LIMCH1: variants seen among roughly 807,000 people sequenced by gnomAD.
LIMCH1 encodes LIM and calponin homology domains-containing protein 1.
In LIMCH1, 113 loss-of-function variants were observed where a neutral mutation model predicts 176.5. That is an observed-to-expected ratio of 0.64 (90% CI 0.55 to 0.75). The LOEUF (loss-of-function observed/expected upper bound fraction) is 0.75. LIMCH1 is among the 30% of genes least tolerant of loss of function. The pLI is 0.00. For missense variants in LIMCH1, 1,674 were observed against 1,814.9 expected (o/e 0.92, Z 1.41); for synonymous variants, 619 against 645.9 (o/e 0.96, Z 0.63).
intron 26 of LIMCH1, among the ~76,000 whole-genome samples, chr4:41,682,925 C>G (rs1717450722): frequency 6.6e-6 from 1 of 152,124 alleles, no homozygotes; most frequent in Admixed American, 6.5e-5. Flanking sequence ...GATCCACCTG[C>G]CTCTACCTCC....
At chr4:41,590,272 G>A (rs142621269) in intron 1 of LIMCH1, among the ~76,000 whole-genome samples, 148 of 151,936 alleles carry the variant, frequency 9.7e-4, no homozygotes, top group South Asian at 8.8e-3. Flanking sequence ...TTTTATTTTT[G>A]TAGAGATAAG....
At chr4:41,667,988 A>T (rs2094890138) in intron 21 of LIMCH1, among the ~76,000 whole-genome samples, 1 of 151,972 alleles carries the variant, frequency 6.6e-6, no homozygotes, top group Non-Finnish European at 1.5e-5. Flanking sequence ...AAAAAATTTT[A>T]AATATAAACA....
rs1217631267 is a variant in LIMCH1, at chr4:41,633,614, T to C, written c.1896T>C (p.Ala632=). ...AAGAGAAGTTGGAGAAGATGACAGC[T>C]CCTGCCTGGAGTGGCAGTGGACTGA... is the stretch of plus-strand genomic sequence containing the variant. ...GTEEKLEKMT[A]PAWSGSGLKG... Residue 632 remains alanine, a synonymous_variant, in exon 13 of 32, where the codon GCT becomes GCC. Coordinates refer to ENST00000503057, the MANE Select transcript of LIMCH1 (RefSeq NM_001330672.2). 6.5e-7 allele frequency: 1 copy of C among 1,536,122 alleles called. No homozygotes were observed. The highest frequency in any genetic ancestry group is 8.7e-7 in the Non-Finnish European group (1 of 1,146,916).
At chr4:41,674,634 A>T (rs1455618147) in intron 22 of LIMCH1, among the ~76,000 whole-genome samples, 1 of 110,670 alleles carries the variant, frequency 9.0e-6, no homozygotes, top group Non-Finnish European at 1.9e-5. Context: ...ACTGCATTTG[A>T]TATGCCCAAC....
At chr4:41,367,980 A>G (rs533299222) in intron 1 of LIMCH1, among the ~76,000 whole-genome samples, 2 of 152,004 alleles carry the variant, frequency 1.3e-5, no homozygotes, top group Non-Finnish European at 2.9e-5. Flanking sequence ...TTTTTTGCCA[A>G]GTATGTTCAC....
intron 1 of LIMCH1, among the ~76,000 whole-genome samples, chr4:41,545,784 G>C (rs1425228629): frequency 2.6e-5 from 4 of 152,208 alleles, no homozygotes; most frequent in Non-Finnish European, 5.9e-5. Context: ...TCAGCACAGA[G>C]CTTATGTATT....
At chr4:41,644,429 A>C in intron 14 of LIMCH1, 71 bp from the exon 15 acceptor site, 1 of 1,410,620 alleles carries the variant, frequency 7.1e-7, no homozygotes, top group South Asian at 1.6e-5. Context: ...ACGCGGCAGG[A>C]CGCCCAGGCG....
chr4:41,406,335 C>T (rs554194623), intron 1 of LIMCH1, among the ~76,000 whole-genome samples: 1 of 152,202 alleles, frequency 6.6e-6, no homozygotes, highest in African/African-American at 2.4e-5. Flanking sequence ...TAGTTGATTG[C>T]TTTCATTTTT....
At chr4:41,661,594 T>C in intron 19 of LIMCH1, 84 bp downstream of exon 19, 1 of 1,028,006 alleles carries the variant, frequency 9.7e-7, no homozygotes, top group African/African-American at 1.6e-5. Flanking sequence ...TTTTTCCTAC[T>C]GAGCCACAGG....
At chr4:41,382,697 G>A (rs987273281) in intron 1 of LIMCH1, among the ~76,000 whole-genome samples, 8 of 152,212 alleles carry the variant, frequency 5.3e-5, no homozygotes, top group African/African-American at 1.7e-4. Context: ...CTCTTCTCGA[G>A]TGTTGCTCTA....
At chr4:41,614,113 G>A (rs1401937160) in intron 5 of LIMCH1, among the ~76,000 whole-genome samples, 1 of 152,162 alleles carries the variant, frequency 6.6e-6, no homozygotes, top group Non-Finnish European at 1.5e-5. Context: ...CTGAAGCCTG[G>A]GATTGTGCAA....
rs548487870 is a variant in LIMCH1, at chr4:41,422,534, A to C, written c.96+61598A>C. On this transcript the variant is annotated intron_variant, in intron 1 of 26. Coordinates refer to the LIMCH1 transcript ENST00000313860. ...TAAATATGCTTTAAAGGTTAATATT[A>C]ATTTTTTTAAAAGAAAAAATTTACT... Among the ~76,000 whole-genome samples, 5 of 152,224 alleles carry C rather than the reference A, an allele frequency of 3.3e-5. No homozygotes were observed. In the South Asian group the frequency reaches 8.3e-4, roughly 25 times the overall value.
intron 1 of LIMCH1, among the ~76,000 whole-genome samples, chr4:41,470,536 A>G (rs893257072): frequency 3.3e-5 from 5 of 152,114 alleles, no homozygotes; most frequent in Non-Finnish European, 7.3e-5. Context: ...CAGAGAGTTG[A>G]CTATGCTATT....
chr4:41,449,567 C>A (rs2063631324), intron 1 of LIMCH1, among the ~76,000 whole-genome samples: 1 of 152,124 alleles, frequency 6.6e-6, no homozygotes, highest in Non-Finnish European at 1.5e-5. Flanking sequence ...AGTATATTCT[C>A]CCTTATACAT....
chr4:41,697,167 G>C lies in LIMCH1; in HGVS notation c.4386G>C (p.Gly1462=). Residue 1462 remains glycine (G), a synonymous_variant, in exon 32 of 32, where the codon GGG becomes GGC. Transcript: ENST00000503057. ...NDCYMRSRSA[G]QPTTL is the part of the protein sequence containing the mutation. ...TGTTTGTTTTAATCACAGGTGCCGG[G>C]CAGCCTACAACATTGTGACACGGCT... The C allele has an allele frequency of 6.2e-7, 1 of 1,613,364 alleles. No homozygotes were observed. Among genetic ancestry groups the C allele is most frequent in the Non-Finnish European group, 8.5e-7 (1 of 1,179,494 alleles).
intron 1 of LIMCH1, among the ~76,000 whole-genome samples, chr4:41,487,957 TC>T (rs2070010803): frequency 1.3e-5 from 2 of 151,888 alleles, no homozygotes; most frequent in Non-Finnish European, 2.9e-5. Context: ...AGTTATGTTA[TC>T]TTGTATTTAT....
chr4:41,477,602 A>G (rs2067945438), intron 1 of LIMCH1, among the ~76,000 whole-genome samples: 1 of 152,194 alleles, frequency 6.6e-6, no homozygotes, highest in South Asian at 2.1e-4. Context: ...AAATGAAGCA[A>G]TTTGCTGAAA....
intron 23 of LIMCH1, among the ~76,000 whole-genome samples, chr4:41,677,314 A>G (rs1711612629): frequency 6.6e-6 from 1 of 152,200 alleles, no homozygotes; most frequent in South Asian, 2.1e-4. Context: ...AGGCTGAGAC[A>G]GGAGAATTGT....
chr4:41,475,069 GA>G (rs1212876517), intron 1 of LIMCH1, among the ~76,000 whole-genome samples: 1 of 152,124 alleles, frequency 6.6e-6, no homozygotes, highest in Non-Finnish European at 1.5e-5. Flanking sequence ...CAGGCACCAA[GA>G]GACAATTTTC....
Sources: allele counts gnomAD v4.1 joint callset (sites outside exome capture counted in the v4.1 genomes callset), GRCh38; gene constraint gnomAD v4.1.1; transcripts MANE v1.5; gene names NCBI Gene and HGNC (gene_info 2026-07-23, HGNC 2026-07-21).